Variants in IGSF21 observed in about 807,000 individuals in gnomAD.
IGSF21 encodes immunoglobulin superfamily member 21.
In IGSF21, 28 loss-of-function variants were observed where a neutral mutation model predicts 46.8. That is an observed-to-expected ratio of 0.60 (90% CI 0.44 to 0.82). IGSF21 has a LOEUF of 0.82. Among genes scored for constraint, IGSF21 ranks in the 40% least tolerant of loss-of-function variants. The pLI, the probability that IGSF21 is intolerant of heterozygous loss-of-function variation, is 0.00. For missense variants in IGSF21, 624 were observed against 665.5 expected, an observed-to-expected ratio of 0.94 and a Z score of 0.69; for synonymous variants, 284 against 273.6, an observed-to-expected ratio of 1.04 and a Z score of -0.38.
chr1:18,139,701 T>C (rs898193117), intron 1 of IGSF21, among the ~76,000 whole-genome samples: 2 of 152,220 alleles, frequency 1.3e-5, no homozygotes, highest in African/African-American at 4.8e-5. Context: ...GGCTTCAATT[T>C]CCTCATCTGT....
chr1:18,142,118 T>A (rs1204146070), intron 1 of IGSF21, among the ~76,000 whole-genome samples: 3 of 152,078 alleles, frequency 2.0e-5, no homozygotes, highest in Non-Finnish European at 4.4e-5. Flanking sequence ...ACAGTTTGGA[T>A]GAAAAATAAA....
intron 1 of IGSF21, among the ~76,000 whole-genome samples, chr1:18,117,330 G>A (rs1366582567): frequency 6.6e-6 from 1 of 152,220 alleles, no homozygotes; most frequent in Non-Finnish European, 1.5e-5. Flanking sequence ...GCCCCAGCCT[G>A]AGTGTGTACC....
intron 2 of IGSF21, among the ~76,000 whole-genome samples, chr1:18,276,190 CAAG>C (rs1200817745): frequency 3.9e-4 from 60 of 152,232 alleles, no homozygotes; most frequent in African/African-American, 1.4e-3. Context: ...TCCTCCTTGG[CAAG>C]AAGTTGACCA....
At chr1:18,206,548 C>G (rs949528119) in intron 1 of IGSF21, among the ~76,000 whole-genome samples, 1 of 78,866 alleles carries the variant, frequency 1.3e-5, no homozygotes, top group Non-Finnish European at 2.7e-5. Flanking sequence ...GACCCCGTCT[C>G]AAAAAAAAAA....
Position 18,376,324 on chromosome 1 carries a change from C to T in IGSF21, c.1030C>T (p.Pro344Ser). ...AEVTLVAPKG[P>S]KIVMTPSRAR... ...TCTCCCTACAGTTGCCCCCAAAGGA[C>T]CCAAAATTGTGATGACGCCCAGCAG... The change falls in exon 7 of 10, where the codon CCC becomes TCC. Residue 344 changes from proline to serine, a missense_variant. Pro to Ser is a moderately conservative substitution (Grantham distance 74, BLOSUM62 -1). Transcript: ENST00000251296. 1.2e-6 allele frequency: 2 copies of T among 1,613,764 alleles called. No homozygotes were observed. The highest frequency in any genetic ancestry group is 1.7e-6 in the Non-Finnish European group (2 of 1,179,740).
chr1:18,327,969 T>C (rs984188782), intron 3 of IGSF21, among the ~76,000 whole-genome samples: 3 of 152,190 alleles, frequency 2.0e-5, no homozygotes, highest in Non-Finnish European at 2.9e-5. Flanking sequence ...CCTAACACAT[T>C]GCAAAACCCC....
chr1:18,324,466 C>G (rs905379962), intron 3 of IGSF21, among the ~76,000 whole-genome samples: 1 of 152,180 alleles, frequency 6.6e-6, no homozygotes, highest in Non-Finnish European at 1.5e-5. Context: ...GGTCATGAGC[C>G]CCCATTTCCC....
At position 18,376,911 on chromosome 1, in the gene IGSF21, G is replaced by T. The variant is rs750165722; in HGVS notation, c.1213G>T (p.Glu405Ter). ...KELVLERVPA[E>*]LNGSMYRCTA... is the part of the protein sequence containing the mutation. ...GCTGGTGCTGGAGCGGGTTCCCGCC[G>T]AGCTCAATGGCTCCATGTATCGCTG... The change falls in exon 8 of 10, where the codon GAG becomes TAG. Residue 405 changes from glutamate (E) to a stop codon, truncating the protein, a stop_gained. Transcript: ENST00000251296. LOFTEE classifies it high-confidence loss of function. 6.2e-7 allele frequency: 1 copy of T among 1,612,874 alleles called. No homozygotes were observed. Among genetic ancestry groups the T allele is most frequent in the Non-Finnish European group, 8.5e-7 (1 of 1,178,942 alleles).
At chr1:18,157,926 C>A (rs897212237) in intron 1 of IGSF21, among the ~76,000 whole-genome samples, 1 of 152,146 alleles carries the variant, frequency 6.6e-6, no homozygotes, top group Non-Finnish European at 1.5e-5. Context: ...CACTAGACTG[C>A]GAGCTTCCTG....
intron 1 of IGSF21, among the ~76,000 whole-genome samples, chr1:18,225,085 T>TCTCTCACACA: frequency 1.6e-4 from 8 of 51,582 alleles, no homozygotes; most frequent in African/African-American, 4.2e-4. Context: ...TCTCTCTCTC[T>TCTCTCACACA]CACACACACA....
chr1:18,353,864 C>T (rs1356918268), intron 4 of IGSF21, among the ~76,000 whole-genome samples: 1 of 152,218 alleles, frequency 6.6e-6, no homozygotes, highest in Non-Finnish European at 1.5e-5. Context: ...AGGTCTACAG[C>T]ACTGCAGGGT....
chr1:18,369,836 C>T (rs150361043), intron 6 of IGSF21, among the ~76,000 whole-genome samples: 1 of 152,324 alleles, frequency 6.6e-6, no homozygotes, highest in East Asian at 1.9e-4. Context: ...ACCCTTTGAG[C>T]TGTTTGTGCC....
chr1:18,346,977 C>T (rs568615197), intron 4 of IGSF21, among the ~76,000 whole-genome samples: 10 of 152,286 alleles, frequency 6.6e-5, no homozygotes, highest in Middle Eastern at 3.4e-3. Flanking sequence ...CTGCCTGCCA[C>T]GGACCTCCCA....
chr1:18,150,118 G>A (rs2086508229), intron 1 of IGSF21, among the ~76,000 whole-genome samples: 1 of 152,104 alleles, frequency 6.6e-6, no homozygotes, highest in Admixed American at 6.5e-5. Flanking sequence ...GGGTGCAGTG[G>A]CTCATATGCC....
At chr1:18,224,179 G>A (rs1051745384) in intron 1 of IGSF21, among the ~76,000 whole-genome samples, 11 of 152,058 alleles carry the variant, frequency 7.2e-5, no homozygotes, top group African/African-American at 4.8e-5. Context: ...CACTGTATTC[G>A]CTCCCATTCC....
intron 7 of IGSF21, 72 bp from the exon 8 acceptor site, chr1:18,376,728 G>A (rs1225049951): frequency 7.0e-7 from 1 of 1,429,198 alleles, no homozygotes; most frequent in Admixed American, 2.0e-5. Flanking sequence ...TGGCCAGGCA[G>A]CCCCTGACCC....
intron 1 of IGSF21, among the ~76,000 whole-genome samples, chr1:18,150,928 C>T (rs1247139659): frequency 6.6e-6 from 1 of 152,210 alleles, no homozygotes; most frequent in Non-Finnish European, 1.5e-5. Flanking sequence ...TGTCCATTAC[C>T]ACATCAGCCT....
At chr1:18,238,659 T>A (rs2084695848) in intron 2 of IGSF21, among the ~76,000 whole-genome samples, 1 of 152,030 alleles carries the variant, frequency 6.6e-6, no homozygotes, top group Non-Finnish European at 1.5e-5. Flanking sequence ...GACACCCAAA[T>A]AACCAGGTGT....
chr1:18,377,897 G>T (rs1377244552), intron 9 of IGSF21, among the ~76,000 whole-genome samples: 1 of 152,074 alleles, frequency 6.6e-6, no homozygotes, highest in Non-Finnish European at 1.5e-5. Flanking sequence ...GTCCTCCCTG[G>T]GCATCCCCCA....
Sources: allele counts gnomAD v4.1 joint callset (sites outside exome capture counted in the v4.1 genomes callset), GRCh38; gene constraint gnomAD v4.1.1; transcripts MANE v1.5; gene names NCBI Gene and HGNC (gene_info 2026-07-23, HGNC 2026-07-21).